MBNL2: variants seen among roughly 807,000 people sequenced by gnomAD.
The protein encoded by MBNL2 is muscleblind-like protein 2.
MBNL2 carries 17 observed loss-of-function variants against 41.9 expected under a neutral mutation model. That is an observed-to-expected ratio of 0.41 (90% confidence interval 0.28 to 0.61). The LOEUF is 0.61. MBNL2 is among the 20% of genes least tolerant of loss of function. MBNL2 has a pLI of 0.35. For missense variants in MBNL2, 336 were observed against 505.6 expected, an observed-to-expected ratio of 0.66 and a Z score of 3.22; for synonymous variants, 195 against 182.9, an observed-to-expected ratio of 1.07 and a Z score of -0.53.
chr13:97,149,476 ACT>A, the MBNL2 span, among the ~76,000 whole-genome samples: 2 of 152,006 alleles, frequency 1.3e-5, no homozygotes, highest in African/African-American at 2.4e-5. Context: ...CCTTGGTATG[ACT>A]CTAGCTGACT....
At chr13:97,224,775 A>G (rs578103184) in intron 1 of MBNL2, among the ~76,000 whole-genome samples, 29 of 152,078 alleles carry the variant, frequency 1.9e-4, no homozygotes, top group South Asian at 4.2e-4. Flanking sequence ...AAAACCCTTC[A>G]CTCTACTTTG....
chr13:97,282,411 C>T (rs1305536507), intron 2 of MBNL2, among the ~76,000 whole-genome samples: 1 of 151,900 alleles, frequency 6.6e-6, no homozygotes, highest in Non-Finnish European at 1.5e-5. Context: ...CAGGAGTAAA[C>T]CTGTTTAGAT....
At chr13:97,244,155 A>G (rs2044938650) in intron 1 of MBNL2, among the ~76,000 whole-genome samples, 1 of 152,242 alleles carries the variant, frequency 6.6e-6, no homozygotes, top group Admixed American at 6.5e-5. Flanking sequence ...TAGGTCATAG[A>G]CATGCTTGTA....
chr13:97,180,791 T>A, the MBNL2 span, among the ~76,000 whole-genome samples: 1 of 148,602 alleles, frequency 6.7e-6, no homozygotes, highest in East Asian at 2.0e-4. Flanking sequence ...CTATCACTGC[T>A]CACTGCTATA....
the MBNL2 span, among the ~76,000 whole-genome samples, chr13:97,153,667 A>G: frequency 1.3e-4 from 20 of 152,332 alleles, no homozygotes; most frequent in African/African-American, 4.3e-4. Flanking sequence ...AGGTCTAACT[A>G]GTCTCAGAAT....
At position 97,348,412 on chromosome 13, in the gene MBNL2, T is replaced by C. The variant is rs1594247494; in HGVS notation, c.804+1345T>C. On this transcript the variant is annotated intron_variant, in intron 5 of 8. Transcript: ENST00000679496. ...GGTGATTCCAATGCATCGCAAAGCT[T>C]GAGAACTTCTGCATTAGGTTGCAGA... is the stretch of plus-strand genomic sequence containing the variant. 2.6e-5 allele frequency among the ~76,000 whole-genome samples: 4 copies of C among 152,272 alleles called. No individual in the cohort carries two copies. The South Asian group carries it at 8.3e-4, about 32-fold the overall frequency.
chr13:97,173,934 T>C, the MBNL2 span, among the ~76,000 whole-genome samples: 10 of 152,184 alleles, frequency 6.6e-5, no homozygotes, highest in Non-Finnish European at 1.2e-4. Context: ...ACTCCCTAAA[T>C]TCATGTGCCG....
At chr13:97,296,610 G>T (rs76339042) in intron 2 of MBNL2, among the ~76,000 whole-genome samples, 2,033 of 152,208 alleles carry the variant, frequency 0.013, 55 homozygotes, top group African/African-American at 0.047. Context: ...TAGAAGTACG[G>T]TTTAATAGAT....
At chr13:97,372,533 T>C (rs2064484914) in intron 8 of MBNL2, among the ~76,000 whole-genome samples, 1 of 152,210 alleles carries the variant, frequency 6.6e-6, no homozygotes, top group Non-Finnish European at 1.5e-5. Context: ...AATTAGTTGA[T>C]AATATGTCAT....
chr13:97,182,413 T>C, the MBNL2 span, among the ~76,000 whole-genome samples: 10 of 152,240 alleles, frequency 6.6e-5, no homozygotes, highest in Admixed American at 2.6e-4. Context: ...GCAATACATA[T>C]ATTAAATGTT....
chr13:97,263,020 C>T (rs535369795), intron 1 of MBNL2, among the ~76,000 whole-genome samples: 15 of 152,234 alleles, frequency 9.9e-5, no homozygotes, highest in East Asian at 7.7e-4. Context: ...CTCCTGAGGT[C>T]GGGTGATCCA....
intron 2 of MBNL2, among the ~76,000 whole-genome samples, chr13:97,291,109 G>A (rs2055855454): frequency 1.3e-5 from 2 of 152,140 alleles, no homozygotes; most frequent in Non-Finnish European, 2.9e-5. Context: ...ATGGTAGGAG[G>A]AGGAAGGGCC....
the MBNL2 span, among the ~76,000 whole-genome samples, chr13:97,157,776 G>A: frequency 2.0e-5 from 3 of 150,734 alleles, no homozygotes; most frequent in Admixed American, 6.6e-5. Flanking sequence ...GCTTTTTGAT[G>A]TGCTGCTGGA....
intron 5 of MBNL2, among the ~76,000 whole-genome samples, chr13:97,353,162 C>T (rs2062660342): frequency 6.6e-6 from 1 of 152,190 alleles, no homozygotes; most frequent in African/African-American, 2.4e-5. Context: ...ACACTGTGCC[C>T]AAATTTGGAG....
intron 1 of MBNL2, among the ~76,000 whole-genome samples, chr13:97,236,923 G>A (rs1369691516): frequency 6.6e-6 from 1 of 152,134 alleles, no homozygotes; most frequent in Non-Finnish European, 1.5e-5. Context: ...CTTTGCTTAA[G>A]AGACTTTTTT....
rs1370506362 is a variant in MBNL2 at position 97,268,092 on chromosome 13, C to T, written c.-604-7540C>T. Reference sequence around the variant, plus strand: ...TTTTTCTTTCCTTCCTTCCTTCCTTCCTTCCTTCCTTTCTTTCTTTTGAGA... The same window carrying T: ...TTTTTCTTTCCTTCCTTCCTTCCTTTCTTCCTTCCTTTCTTTCTTTTGAGA... On this transcript the variant is annotated intron_variant, in intron 1 of 8. Transcript: ENST00000679496. The surrounding 1 kb of genome is among the most constrained non-coding windows in gnomAD (Gnocchi z 4.6). Among the ~76,000 whole-genome samples, 1 of 151,628 alleles carries T rather than the reference C, an allele frequency of 6.6e-6. No homozygotes were observed. Among genetic ancestry groups the T allele is most frequent in the African/African-American group, 2.4e-5 (1 of 41,276 alleles).
rs555335450 is a variant in MBNL2, at chr13:97,223,583, A to G, written c.-605+1052A>G. On this transcript the variant is annotated intron_variant, in intron 1 of 8. Transcript: ENST00000679496. ...GACTTGCCTAACCACCACCACCTTG[A>G]ATGTTCTACAAGAAACATTACTGTC... 7.9e-5 allele frequency among the ~76,000 whole-genome samples: 12 copies of G among 152,348 alleles called. No homozygotes were observed. The South Asian group carries it at 2.5e-3, about 32-fold the overall frequency.
chr13:97,206,023 A>T, the MBNL2 span, among the ~76,000 whole-genome samples: 973 of 152,308 alleles, frequency 6.4e-3, 4 homozygotes, highest in Non-Finnish European at 9.7e-3. Context: ...ATAAAAAATG[A>T]GTTATTTTTG....
At chr13:97,341,453 A>G (rs1246549264) in intron 3 of MBNL2, among the ~76,000 whole-genome samples, 3 of 152,366 alleles carry the variant, frequency 2.0e-5, no homozygotes, top group African/African-American at 4.8e-5. Context: ...ACTGAAAATC[A>G]TAACTTTCTA....
Sources: allele counts gnomAD v4.1 joint callset (sites outside exome capture counted in the v4.1 genomes callset), GRCh38; gene constraint gnomAD v4.1.1; non-coding constraint Gnocchi (gnomAD v3.1); transcripts MANE v1.5; gene names NCBI Gene and HGNC (gene_info 2026-07-23, HGNC 2026-07-21).